The following NUSAP1 variants were observed in gnomAD, a reference collection of about 807,000 sequenced individuals.
NUSAP1 encodes nucleolar and spindle-associated protein 1.
Under a neutral mutation model 52.8 loss-of-function variants are expected in NUSAP1, and 32 were observed. The observed-to-expected ratio is 0.61, with a 90% confidence interval of 0.46 to 0.81. The LOEUF (loss-of-function observed/expected upper bound fraction) is 0.81, where lower values mean the gene tolerates loss of function less well. Ranked by LOEUF, NUSAP1 falls within the 40% of genes least tolerant of loss-of-function variation. The probability of loss-of-function intolerance (pLI) is 0.00; values close to 1 mark genes in which losing one functional copy is unlikely to be tolerated. For synonymous variants in NUSAP1, 195 were observed against 183.1 expected (o/e 1.06, Z -0.52); for missense variants, 499 against 522.3 (o/e 0.96, Z 0.43).
At chr15:41,376,726 TA>T (rs143983944) in intron 9 of NUSAP1, among the ~76,000 whole-genome samples, 46 of 146,020 alleles carry the variant, frequency 3.2e-4, no homozygotes, top group Admixed American at 4.8e-4. Context: ...AAATTTAAAT[TA>T]AAAAAAAAAG....
At chr15:41,379,619 A>T (rs1301565870) in intron 10 of NUSAP1, among the ~76,000 whole-genome samples, 1 of 152,014 alleles carries the variant, frequency 6.6e-6, no homozygotes, top group East Asian at 1.9e-4. Context: ...ATCTCGGCTC[A>T]CTGCAACCTC....
chr15:41,350,940 A>C, intron 3 of NUSAP1, 48 bp from the exon 4 acceptor site: 1 of 1,507,216 alleles, frequency 6.6e-7, no homozygotes, highest in South Asian at 1.2e-5. Context: ...GGAAGGCAGC[A>C]ATTCTTATTT....
chr15:41,337,370 C>A (rs1187340276), intron 1 of NUSAP1, among the ~76,000 whole-genome samples: 1 of 152,186 alleles, frequency 6.6e-6, no homozygotes, highest in Non-Finnish European at 1.5e-5. Flanking sequence ...TACTCTGCTT[C>A]TTTGCCTGTC....
intron 1 of NUSAP1, among the ~76,000 whole-genome samples, chr15:41,335,467 C>T (rs1233492766): frequency 7.3e-6 from 1 of 137,394 alleles, no homozygotes; most frequent in Non-Finnish European, 1.5e-5. Context: ...ACTAAATTTA[C>T]ATATTTAGTA....
At chr15:41,360,958 G>A (rs796660547) in intron 6 of NUSAP1, among the ~76,000 whole-genome samples, 1 of 152,056 alleles carries the variant, frequency 6.6e-6, no homozygotes, top group Non-Finnish European at 1.5e-5. Context: ...CCTGGCCATG[G>A]TGGTGGGTGC....
At chr15:41,376,183 G>A (rs2049925570) in intron 9 of NUSAP1, among the ~76,000 whole-genome samples, 2 of 150,794 alleles carry the variant, frequency 1.3e-5, no homozygotes, top group African/African-American at 2.4e-5. Flanking sequence ...ATCACTTGAG[G>A]TCAGGAGTTC....
intron 10 of NUSAP1, among the ~76,000 whole-genome samples, chr15:41,378,190 G>A (rs559203728): frequency 1.3e-5 from 2 of 152,264 alleles, no homozygotes; most frequent in Admixed American, 1.3e-4. Context: ...CACAGGGCAT[G>A]TGGGTATCTC....
In NUSAP1 at chr15:41,343,745, C is replaced by A. The variant is rs929794906; in HGVS notation, c.162+1291C>A. ...ACCTCAGTTGATCTACCTGCCTCAG[C>A]CTCCCAAAGTGCTGGGATTACAGGT... On this transcript the variant is annotated intron_variant, in intron 2 of 10. Coordinates refer to ENST00000559596, the MANE Select transcript of NUSAP1 (RefSeq NM_016359.5). Among the ~76,000 whole-genome samples, 4 of 152,044 alleles carry A rather than the reference C, an allele frequency of 2.6e-5. No individual in the cohort carries two copies. In the East Asian group the frequency reaches 7.8e-4, roughly 30 times the overall value.
At chr15:41,361,119 C>T (rs1012445149) in intron 6 of NUSAP1, among the ~76,000 whole-genome samples, 4 of 149,788 alleles carry the variant, frequency 2.7e-5, no homozygotes, top group South Asian at 2.1e-4. Context: ...TAGGCCAGGG[C>T]GTGGTGGCTC....
chr15:41,338,664 A>G (rs1205819189), intron 1 of NUSAP1, among the ~76,000 whole-genome samples: 2 of 152,134 alleles, frequency 1.3e-5, no homozygotes, highest in African/African-American at 4.8e-5. Flanking sequence ...AAAAAGAGAG[A>G]GAGACCAGGC....
At chr15:41,376,707 A>G (rs1168070331) in intron 9 of NUSAP1, among the ~76,000 whole-genome samples, 1 of 150,782 alleles carries the variant, frequency 6.6e-6, no homozygotes, top group East Asian at 2.0e-4. Context: ...TTAAAAAATA[A>G]TAATAATTAA....
intron 1 of NUSAP1, among the ~76,000 whole-genome samples, chr15:41,339,850 C>T (rs151255536): frequency 1.9e-3 from 289 of 151,928 alleles, no homozygotes; most frequent in African/African-American, 4.4e-3. Flanking sequence ...GGTGCGATTC[C>T]GGCTCACTGC....
intron 6 of NUSAP1, among the ~76,000 whole-genome samples, chr15:41,364,206 T>C (rs994176288): frequency 5.3e-5 from 8 of 152,132 alleles, no homozygotes; most frequent in African/African-American, 1.9e-4. Flanking sequence ...TTTTTCTTCC[T>C]TTGTGGCTAC....
chr15:41,362,016 C>G (rs1017963768), intron 6 of NUSAP1, among the ~76,000 whole-genome samples: 1 of 152,062 alleles, frequency 6.6e-6, no homozygotes, highest in Admixed American at 6.6e-5. Context: ...TAACAAAAGA[C>G]AGACTTGTTT....
Position 41,332,922 on chromosome 15 carries a change from TC to T in NUSAP1, c.-34del. On this transcript the variant is annotated 5_prime_UTR_variant, in exon 1 of 11. Coordinates refer to ENST00000559596, the MANE Select transcript of NUSAP1 (RefSeq NM_016359.5). ...GAACCGCGCTGACGAAGTTTGGTGATCCATCTTCCGAGTATCGCCGGGATTT... is the reference window on the plus strand; with the variant it reads ...GAACCGCGCTGACGAAGTTTGGTGATCATCTTCCGAGTATCGCCGGGATTT... 6.6e-7 allele frequency: 1 copy of T among 1,526,688 alleles called. No homozygotes were observed. The highest frequency in any genetic ancestry group is 9.0e-7 in the Non-Finnish European group (1 of 1,112,350). 94.6% of individuals were successfully genotyped at this position (1,526,688 alleles called of 1,614,324 possible). A position where few individuals can be genotyped will look rare whatever the true frequency, so the allele number is the denominator to read the frequency against.
intron 1 of NUSAP1, among the ~76,000 whole-genome samples, chr15:41,336,268 A>AAATAATAATAAT (rs113121358): frequency 1.8e-4 from 27 of 148,686 alleles, no homozygotes; most frequent in African/African-American, 3.2e-4. Flanking sequence ...CTCCGTCTAA[A>AAATAATAATAAT]AATAATAATA....
At chr15:41,336,796 G>GCCA (rs1365357271) in intron 1 of NUSAP1, among the ~76,000 whole-genome samples, 1 of 150,030 alleles carries the variant, frequency 6.7e-6, no homozygotes, top group Non-Finnish European at 1.5e-5. Context: ...ACAGGCACGT[G>GCCA]CCACCACACC....
intron 4 of NUSAP1, among the ~76,000 whole-genome samples, chr15:41,354,602 C>T (rs572187517): frequency 1.3e-5 from 2 of 151,450 alleles, no homozygotes; most frequent in South Asian, 4.2e-4. Context: ...GATTGGATTA[C>T]GTGACTTTTA....
intron 10 of NUSAP1, among the ~76,000 whole-genome samples, chr15:41,378,733 G>T (rs2050077877): frequency 6.6e-6 from 1 of 151,828 alleles, no homozygotes; most frequent in Non-Finnish European, 1.5e-5. Context: ...TTGCACCATT[G>T]CACTACAGCC....
Sources: gnomAD v4.1 joint callset for allele counts (sites outside exome capture counted in the v4.1 genomes callset) on GRCh38, gnomAD v4.1.1 for gene constraint, MANE v1.5 for transcripts, NCBI Gene and HGNC (gene_info 2026-07-23, HGNC 2026-07-21) for gene names.